Variants in HS3ST4 observed in about 807,000 individuals in gnomAD.
HS3ST4 encodes the protein heparan sulfate glucosamine 3-O-sulfotransferase 4.
In HS3ST4, 17 loss-of-function variants were observed where a neutral mutation model predicts 29.2. The ratio of observed to expected loss-of-function variants is 0.58; its 90% CI spans 0.40 to 0.87. The LOEUF is 0.87. Among genes scored for constraint, HS3ST4 ranks in the 40% least tolerant of loss-of-function variants. HS3ST4 has a pLI of 0.00. For synonymous variants in HS3ST4, 314 were observed against 285.7 expected (o/e 1.10, Z -1.00); for missense variants, 627 against 634.5 (o/e 0.99, Z 0.13).
At chr16:25,960,786 G>A (rs1968786492) in intron 1 of HS3ST4, among the ~76,000 whole-genome samples, 1 of 152,184 alleles carries the variant, frequency 6.6e-6, no homozygotes, top group African/African-American at 2.4e-5. Flanking sequence ...TTAAAAATCA[G>A]AGTGATATTT....
intron 1 of HS3ST4, among the ~76,000 whole-genome samples, chr16:25,838,067 A>C (rs1967378662): frequency 6.6e-6 from 1 of 152,242 alleles, no homozygotes; most frequent in South Asian, 2.1e-4. Context: ...CCCTGGAACC[A>C]GATTGCCTGG....
chr16:25,882,932 C>CAG, intron 1 of HS3ST4, among the ~76,000 whole-genome samples: 7 of 152,174 alleles, frequency 4.6e-5, no homozygotes, highest in African/African-American at 1.7e-4. Context: ...CATTCCTGTT[C>CAG]TACTGCTCTG....
chr16:25,783,030 T>C (rs911955725), intron 1 of HS3ST4, among the ~76,000 whole-genome samples: 3 of 152,142 alleles, frequency 2.0e-5, no homozygotes, highest in Non-Finnish European at 4.4e-5. Flanking sequence ...TCCACCCTCA[T>C]TTTGTTGCTT....
At chr16:26,004,606 T>C (rs966827694) in intron 1 of HS3ST4, among the ~76,000 whole-genome samples, 12 of 152,188 alleles carry the variant, frequency 7.9e-5, no homozygotes, top group African/African-American at 2.9e-4. Flanking sequence ...GATACACATA[T>C]ACAATAGTGT....
At chr16:25,795,220 C>G (rs888865184) in intron 1 of HS3ST4, among the ~76,000 whole-genome samples, 6 of 152,142 alleles carry the variant, frequency 3.9e-5, no homozygotes, top group African/African-American at 1.4e-4. Flanking sequence ...ATCCGCCTGC[C>G]TAGGCCTCCC....
At chr16:25,820,058 A>G (rs944232960) in intron 1 of HS3ST4, among the ~76,000 whole-genome samples, 4 of 150,584 alleles carry the variant, frequency 2.7e-5, no homozygotes, top group African/African-American at 9.8e-5. Flanking sequence ...AAGAAAAAGA[A>G]AAAAAGAGGA....
intron 1 of HS3ST4, among the ~76,000 whole-genome samples, chr16:25,951,611 T>A (rs1400400451): frequency 1.3e-5 from 2 of 152,206 alleles, no homozygotes; most frequent in Non-Finnish European, 2.9e-5. Flanking sequence ...ACTCTCTATG[T>A]TGCAGACATC....
intron 1 of HS3ST4, among the ~76,000 whole-genome samples, chr16:26,017,080 A>G (rs1969368991): frequency 6.6e-6 from 1 of 152,236 alleles, no homozygotes; most frequent in Admixed American, 6.5e-5. Context: ...GACATGTGGC[A>G]CGAACAATAA....
intron 1 of HS3ST4, among the ~76,000 whole-genome samples, chr16:25,760,995 A>G (rs1247818015): frequency 1.3e-5 from 2 of 152,084 alleles, no homozygotes; most frequent in Middle Eastern, 3.2e-3. Context: ...GCAAATAGCA[A>G]AAGGCAAGCC....
chr16:25,895,437 G>C (rs1041495193), intron 1 of HS3ST4, among the ~76,000 whole-genome samples: 2 of 152,134 alleles, frequency 1.3e-5, no homozygotes, highest in South Asian at 2.1e-4. Context: ...TGATAGATTT[G>C]TGGAGGGTGA....
chr16:25,886,027 G>GTTTTTTT (rs34713423), intron 1 of HS3ST4, among the ~76,000 whole-genome samples: 14 of 82,766 alleles, frequency 1.7e-4, no homozygotes, highest in East Asian at 4.6e-4. Context: ...TCTTACTGTG[G>GTTTTTTT]TTTTTTTTTT....
chr16:25,729,341 A>C (rs1276410657), intron 1 of HS3ST4, among the ~76,000 whole-genome samples: 1 of 152,192 alleles, frequency 6.6e-6, no homozygotes, highest in African/African-American at 2.4e-5. Flanking sequence ...AAATATATGC[A>C]TATGGAATCT....
chr16:25,757,003 G>A (rs1248969393), intron 1 of HS3ST4, among the ~76,000 whole-genome samples: 1 of 152,166 alleles, frequency 6.6e-6, no homozygotes, highest in African/African-American at 2.4e-5. Flanking sequence ...ACCTAGCCAT[G>A]TGTCTCCTAG....
In HS3ST4 at chr16:26,136,603, C is replaced by A. The variant is rs1180435945; in HGVS notation, c.*355C>A. ...TGTATATGTGAGCGACAAAAAAGGTCTGCTTTATAGGGGTTCTCACTCTAG... is the reference window on the plus strand; with the variant it reads ...TGTATATGTGAGCGACAAAAAAGGTATGCTTTATAGGGGTTCTCACTCTAG... On this transcript the variant is annotated 3_prime_UTR_variant, in exon 2 of 2. Transcript: ENST00000331351. The A allele has an allele frequency of 3.8e-6, 1 of 265,968 alleles. No individual in the cohort carries two copies. Among genetic ancestry groups the A allele is most frequent in the South Asian group, 5.5e-5 (1 of 18,178 alleles). The allele number at this position is 265,968 out of a possible 1,614,324, so 16.5% of individuals were successfully genotyped here.
intron 1 of HS3ST4, among the ~76,000 whole-genome samples, chr16:25,808,164 G>A (rs930110412): frequency 3.3e-5 from 5 of 152,068 alleles, no homozygotes; most frequent in Non-Finnish European, 7.4e-5. Flanking sequence ...TTTATTTTAT[G>A]GATCATGCTT....
chr16:25,998,373 A>T (rs919687608), intron 1 of HS3ST4, among the ~76,000 whole-genome samples: 1 of 152,230 alleles, frequency 6.6e-6, no homozygotes, highest in African/African-American at 2.4e-5. Context: ...TCTTAATTCT[A>T]GATAGTATAC....
chr16:25,789,841 T>C (rs963496313), intron 1 of HS3ST4, among the ~76,000 whole-genome samples: 2 of 152,226 alleles, frequency 1.3e-5, no homozygotes, highest in East Asian at 1.9e-4. Flanking sequence ...AAGTATATAA[T>C]TCTTGTGTCT....
chr16:25,996,333 C>CT (rs1207262078), intron 1 of HS3ST4, among the ~76,000 whole-genome samples: 1 of 152,114 alleles, frequency 6.6e-6, no homozygotes, highest in Admixed American at 6.5e-5. Context: ...AAGTTTAGAG[C>CT]TTTTGGGTAT....
At chr16:25,781,427 A>G (rs1307039745) in intron 1 of HS3ST4, among the ~76,000 whole-genome samples, 1 of 152,180 alleles carries the variant, frequency 6.6e-6, no homozygotes, top group Non-Finnish European at 1.5e-5. Flanking sequence ...TTCGGCCCTT[A>G]GGAGAGGAGA....
Sources: allele counts gnomAD v4.1 joint callset (sites outside exome capture counted in the v4.1 genomes callset), GRCh38; gene constraint gnomAD v4.1.1; transcripts MANE v1.5; gene names NCBI Gene and HGNC (gene_info 2026-07-23, HGNC 2026-07-21).